Variants in KLRF2 observed in about 807,000 individuals in gnomAD.
The protein encoded by KLRF2 is killer cell lectin like receptor F2, also known as killer cell lectin-like receptor subfamily F member 2.
In KLRF2, 28 loss-of-function variants were observed where a neutral mutation model predicts 25.3. That is an observed-to-expected ratio of 1.11 (90% CI 0.82 to 1.52). The LOEUF (loss-of-function observed/expected upper bound fraction) is 1.52. Among genes scored for constraint, KLRF2 ranks in the 40% most tolerant of loss-of-function variants. KLRF2 has a pLI of 0.00. For missense variants in KLRF2, 265 were observed against 245.8 expected (o/e 1.08, Z -0.52); for synonymous variants, 73 against 85.0 (o/e 0.86, Z 0.78).
intron 2 of KLRF2, 23 bp downstream of exon 2, chr12:9,885,055 T>C: frequency 1.1e-6 from 1 of 903,148 alleles, no homozygotes; most frequent in Non-Finnish European, 1.5e-6. Context: ...TTTTTATTTA[T>C]TTGAACATTT....
intron 5 of KLRF2, 105 bp downstream of exon 5, chr12:9,893,646 T>A (rs1322300313): frequency 2.0e-5 from 9 of 449,616 alleles, no homozygotes; most frequent in Middle Eastern, 3.9e-4. Flanking sequence ...TGTTTTCCCT[T>A]ATCTTTACAT....
chr12:9,892,968 C>T, intron 3 of KLRF2, 52 bp from the exon 4 acceptor site: 3 of 1,334,918 alleles, frequency 2.2e-6, no homozygotes, highest in South Asian at 1.4e-5. Context: ...ATATTTCTAT[C>T]TTCCCTGTTG....
chr12:9,894,457 C>T (rs1591780315), intron 5 of KLRF2, among the ~76,000 whole-genome samples: 1 of 152,118 alleles, frequency 6.6e-6, no homozygotes, highest in Non-Finnish European at 1.5e-5. Context: ...GCTGAGATTA[C>T]AGGTGTGAGC....
chr12:9,895,605 A>G (rs1862747458), intron 5 of KLRF2, 84 bp from the exon 6 acceptor site: 2 of 1,308,910 alleles, frequency 1.5e-6, no homozygotes, highest in South Asian at 1.6e-5. Context: ...AGAATTACCT[A>G]TAAAAGTTTG....
At chr12:9,887,697 A>G (rs1369679325) in intron 2 of KLRF2, among the ~76,000 whole-genome samples, 2 of 152,026 alleles carry the variant, frequency 1.3e-5, no homozygotes, top group Non-Finnish European at 2.9e-5. Context: ...TAGGAAGCTG[A>G]AGGAACTTGA....
chr12:9,890,951 C>T (rs1390136135), intron 3 of KLRF2, among the ~76,000 whole-genome samples: 1 of 151,942 alleles, frequency 6.6e-6, no homozygotes, highest in Non-Finnish European at 1.5e-5. Flanking sequence ...TTTTTCTTTT[C>T]ATTTGATTTC....
intron 5 of KLRF2, among the ~76,000 whole-genome samples, chr12:9,894,126 T>TCTCTCTCTC (rs1862724726): frequency 1.5e-5 from 2 of 130,290 alleles, no homozygotes; most frequent in African/African-American, 3.0e-5. Flanking sequence ...TTTCTTTTCT[T>TCTCTCTCTC]TCTCTCTCTC....
At chr12:9,893,360 C>A in intron 4 of KLRF2, 69 bp from the exon 5 acceptor site, 1 of 843,796 alleles carries the variant, frequency 1.2e-6, no homozygotes, top group Non-Finnish European at 1.8e-6. Context: ...GGCACAGAGA[C>A]TTACACTATA....
chr12:9,892,783 C>T (rs928018668), intron 3 of KLRF2, among the ~76,000 whole-genome samples: 39 of 151,660 alleles, frequency 2.6e-4, no homozygotes, highest in African/African-American at 9.2e-4. Flanking sequence ...AGGGTTTCTC[C>T]ATGTTGGTCA....
chr12:9,890,344 G>T (rs745620418), intron 3 of KLRF2, among the ~76,000 whole-genome samples: 4 of 152,148 alleles, frequency 2.6e-5, no homozygotes, highest in Admixed American at 6.5e-5. Context: ...TCTGCTCAGG[G>T]TCTCACAGGC....
chr12:9,893,874 T>C (rs886430295), intron 5 of KLRF2, among the ~76,000 whole-genome samples: 16 of 152,138 alleles, frequency 1.1e-4, no homozygotes, highest in Non-Finnish European at 1.8e-4. Flanking sequence ...ATGCAAATAC[T>C]TCTCATGTGG....
chr12:9,882,172 C>T (rs978050608), intron 1 of KLRF2, among the ~76,000 whole-genome samples: 2 of 152,000 alleles, frequency 1.3e-5, no homozygotes, highest in Non-Finnish European at 2.9e-5. Flanking sequence ...GCTTTGTTTG[C>T]TTTTTCAGGA....
chr12:9,883,876 C>T (rs753787560), intron 1 of KLRF2, among the ~76,000 whole-genome samples: 6 of 152,054 alleles, frequency 3.9e-5, no homozygotes, highest in Non-Finnish European at 7.4e-5. Context: ...AGAAACAGCA[C>T]TTTTATTATG....
Position 9,895,715 on chromosome 12 carries a change from A to T in KLRF2, c.506A>T (p.Asp169Val), listed in dbSNP as rs1194398849. ...ELFSVIGPTDDRSCAVITGNW... is the reference protein window; with the variant it reads ...ELFSVIGPTDVRSCAVITGNW... ...TTTTCAGTGATTGGACCAACTGATGACAGGAGCTGTGCCGTTATCACAGGA... is the reference window on the plus strand; with the variant it reads ...TTTTCAGTGATTGGACCAACTGATGTCAGGAGCTGTGCCGTTATCACAGGA... The change falls in exon 6 of 6, where the codon GAC (aspartate) becomes GTC (valine). Residue 169 changes from aspartate (D) to valine (V), a missense_variant. Physicochemically the swap from Asp to Val is radical, Grantham distance 152. Coordinates refer to ENST00000535540, the MANE Select transcript of KLRF2 (RefSeq NM_001190765.1). The T allele has an allele frequency of 7.2e-6, 11 of 1,534,790 alleles. No individual in the cohort carries two copies. The highest frequency in any genetic ancestry group is 9.6e-6 in the Non-Finnish European group (11 of 1,146,460).
At position 9,884,984 on chromosome 12, in the gene KLRF2, A is replaced by C; in HGVS notation, c.121A>C (p.Ile41Leu). The C allele has an allele frequency of 7.4e-7, 1 of 1,348,014 alleles. No individual in the cohort carries two copies. Among genetic ancestry groups the C allele is most frequent in the Non-Finnish European group, 9.6e-7 (1 of 1,044,602 alleles). 83.5% of individuals were successfully genotyped at this position (1,348,014 alleles called of 1,614,324 possible). Residue 41 changes from isoleucine to leucine, a missense_variant, in exon 2 of 6, where the codon ATT becomes CTT. Transcript: ENST00000535540. Reference protein sequence around the residue: ...YYCLLLIFGCIVILIFIMTGI... With the variant: ...YYCLLLIFGCLVILIFIMTGI... The stretch of plus-strand genomic sequence containing the variant: ...TTGTCTTCTGCTCATATTTGGATGC[A>C]TTGTGATCCTTATATTCATTATGAC...
At chr12:9,893,305 G>GA (rs754939440) in intron 4 of KLRF2, 124 bp from the exon 5 acceptor site, 3 of 872,814 alleles carry the variant, frequency 3.4e-6, no homozygotes, top group Non-Finnish European at 1.7e-6. Flanking sequence ...TATTGTTCAT[G>GA]AAAAAAATGC....
At chr12:9,892,226 G>T (rs1024676582) in intron 3 of KLRF2, among the ~76,000 whole-genome samples, 1 of 152,072 alleles carries the variant, frequency 6.6e-6, no homozygotes, top group African/African-American at 2.4e-5. Context: ...AAAGTTAGCG[G>T]GTAAAGAAGG....
intron 3 of KLRF2, among the ~76,000 whole-genome samples, chr12:9,891,436 G>A (rs997273877): frequency 6.6e-6 from 1 of 152,092 alleles, no homozygotes; most frequent in Non-Finnish European, 1.5e-5. Context: ...TCATCATTTG[G>A]AGTATTTCCA....
chr12:9,881,600 A>G lies in KLRF2; in HGVS notation c.5A>G (p.Glu2Gly). M[E>G]NEDGYMTLSF... The stretch of plus-strand genomic sequence containing the variant: ...AGACATTAGACATTTGAAGAGATGG[A>G]GAATGAAGATGGGTATATGACGCTG... Residue 2 changes from glutamate (E) to glycine (G), a missense_variant, in exon 1 of 6, where the codon GAG becomes GGG. Transcript: ENST00000535540. The G allele has an allele frequency of 2.0e-6, 3 of 1,532,064 alleles. No individual in the cohort carries two copies. The highest frequency in any genetic ancestry group is 2.6e-6 in the Non-Finnish European group (3 of 1,143,388). 94.9% of individuals were successfully genotyped at this position (1,532,064 alleles called of 1,614,324 possible). A position where few individuals can be genotyped will look rare whatever the true frequency, so the allele number is the denominator to read the frequency against.
Sources: allele counts gnomAD v4.1 joint callset (sites outside exome capture counted in the v4.1 genomes callset), GRCh38; gene constraint gnomAD v4.1.1; transcripts MANE v1.5; gene names NCBI Gene and HGNC (gene_info 2026-07-23, HGNC 2026-07-21).